Variants in R3HCC1L observed in about 807,000 individuals in gnomAD.
The protein encoded by R3HCC1L is coiled-coil domain-containing protein R3HCC1L.
Under a neutral mutation model 59.9 loss-of-function variants are expected in R3HCC1L, and 51 were observed. That is an observed-to-expected ratio of 0.85 (90% CI 0.68 to 1.07). The LOEUF is 1.07. R3HCC1L is among the 50% of genes least tolerant of loss of function. The pLI is 0.00. For synonymous variants in R3HCC1L, 322 were observed against 315.2 expected (o/e 1.02, Z -0.23); for missense variants, 965 against 933.0 (o/e 1.03, Z -0.45).
At chr10:98,240,303 CT>C in intron 9 of R3HCC1L, among the ~76,000 whole-genome samples, 1 of 152,104 alleles carries the variant, frequency 6.6e-6, no homozygotes, top group Non-Finnish European at 1.5e-5. Flanking sequence ...AAGACTCCAT[CT>C]CAAAAAAATA....
chr10:98,215,535 T>C (rs187377921), intron 5 of R3HCC1L, among the ~76,000 whole-genome samples: 85 of 152,352 alleles, frequency 5.6e-4, no homozygotes, highest in Non-Finnish European at 9.3e-4. Flanking sequence ...CTGATATTGA[T>C]GCTTTTCTAT....
In R3HCC1L at chr10:98,218,742, A is replaced by G. The variant is rs1287086023; in HGVS notation, c.1785+8843A>G. ...ATGTTTCTCTGTTGATTTTCTGTCTAGATGATCTGTCCAATGCTGAGAGTG... is the reference window on the plus strand; with the variant it reads ...ATGTTTCTCTGTTGATTTTCTGTCTGGATGATCTGTCCAATGCTGAGAGTG... On this transcript the variant is annotated intron_variant, in intron 5 of 9. Transcript: ENST00000298999. 2.0e-5 allele frequency among the ~76,000 whole-genome samples: 3 copies of G among 152,196 alleles called. No homozygotes were observed. The East Asian group carries it at 5.8e-4, about 29-fold the overall frequency.
intron 4 of R3HCC1L, among the ~76,000 whole-genome samples, chr10:98,207,154 G>T (rs900275776): frequency 1.3e-5 from 2 of 152,150 alleles, no homozygotes; most frequent in African/African-American, 4.8e-5. Flanking sequence ...TTAACAGTGT[G>T]TGCATCTGTG....
intron 9 of R3HCC1L, among the ~76,000 whole-genome samples, chr10:98,240,157 T>C (rs1252232524): frequency 2.6e-5 from 4 of 151,978 alleles, no homozygotes; most frequent in Non-Finnish European, 5.9e-5. Context: ...AATAGAAAAA[T>C]TAGCCGGGCA....
intron 4 of R3HCC1L, among the ~76,000 whole-genome samples, chr10:98,169,884 CTTT>C (rs1195433216): frequency 2.3e-5 from 3 of 128,370 alleles, no homozygotes; most frequent in Non-Finnish European, 1.7e-5. Flanking sequence ...CTAACACAAC[CTTT>C]TTTTTTTTTT....
chr10:98,220,846 C>T (rs1215559319), intron 5 of R3HCC1L, among the ~76,000 whole-genome samples: 12 of 147,966 alleles, frequency 8.1e-5, no homozygotes, highest in Admixed American at 8.1e-4. Context: ...CATACGTGTG[C>T]ATGTGTCTTT....
At chr10:98,193,694 A>G (rs1307099459) in intron 4 of R3HCC1L, among the ~76,000 whole-genome samples, 1 of 152,166 alleles carries the variant, frequency 6.6e-6, no homozygotes, top group Non-Finnish European at 1.5e-5. Flanking sequence ...CTCTACTCCA[A>G]AAATCCAAAA....
At chr10:98,188,690 T>C (rs143267420) in intron 4 of R3HCC1L, among the ~76,000 whole-genome samples, 1,670 of 152,306 alleles carry the variant, frequency 0.011, 41 homozygotes, top group African/African-American at 0.038. Flanking sequence ...GATATAGTTA[T>C]TTATGTATTT....
chr10:98,157,264 C>T (rs980054103), intron 2 of R3HCC1L, among the ~76,000 whole-genome samples: 3 of 152,126 alleles, frequency 2.0e-5, no homozygotes, highest in African/African-American at 7.2e-5. Context: ...GTCCTGGGTG[C>T]TTGTGGGTAC....
chr10:98,221,881 T>C (rs1361867251), intron 5 of R3HCC1L, among the ~76,000 whole-genome samples: 1 of 152,220 alleles, frequency 6.6e-6, no homozygotes, highest in East Asian at 1.9e-4. Flanking sequence ...TGGTTCCATA[T>C]GAACTTTAAA....
At position 98,158,921 on chromosome 10, in the gene R3HCC1L, C is replaced by T. The variant is rs143867414; in HGVS notation, c.-213+2774C>T. ...TCCTGGGCTCAAGCAATCCTCCTGC[C>T]TGAGCCTCCTGAGTAGCTGGCACTA... On this transcript the variant is annotated intron_variant, in intron 2 of 9. Coordinates refer to ENST00000298999, the MANE Select transcript of R3HCC1L (RefSeq NM_001351015.2). 5.3e-3 allele frequency among the ~76,000 whole-genome samples: 802 copies of T among 152,058 alleles called. 6 individuals carry two copies. The highest frequency in any genetic ancestry group is 0.017 in the African/African-American group (718 of 41,456).
At chr10:98,167,631 C>T (rs895126001) in intron 4 of R3HCC1L, among the ~76,000 whole-genome samples, 1 of 152,190 alleles carries the variant, frequency 6.6e-6, no homozygotes, top group African/African-American at 2.4e-5. Context: ...CATTTTTACC[C>T]CAACATAATT....
chr10:98,143,562 A>G (rs903023808), intron 1 of R3HCC1L, among the ~76,000 whole-genome samples: 4 of 152,140 alleles, frequency 2.6e-5, no homozygotes, highest in African/African-American at 9.7e-5. Context: ...GTATCCTGAA[A>G]CTTTTCATTG....
intron 9 of R3HCC1L, among the ~76,000 whole-genome samples, chr10:98,243,831 T>C (rs190907742): frequency 6.6e-6 from 1 of 152,372 alleles, no homozygotes; most frequent in Non-Finnish European, 1.5e-5. Flanking sequence ...GAGTCCCTAC[T>C]AGATTCTGAC....
chr10:98,145,553 C>T (rs1297749808), intron 1 of R3HCC1L, among the ~76,000 whole-genome samples: 1 of 152,100 alleles, frequency 6.6e-6, no homozygotes, highest in African/African-American at 2.4e-5. Flanking sequence ...TGAATGCTGC[C>T]CCTTTTAAAG....
intron 4 of R3HCC1L, among the ~76,000 whole-genome samples, chr10:98,183,939 TTTC>T (rs1849924636): frequency 1.3e-5 from 2 of 150,080 alleles, no homozygotes; most frequent in African/African-American, 4.9e-5. Context: ...TTTGTTTTTT[TTTC>T]TTTGCTCCTT....
intron 4 of R3HCC1L, among the ~76,000 whole-genome samples, chr10:98,196,935 G>C (rs994744226): frequency 2.0e-5 from 3 of 151,216 alleles, no homozygotes; most frequent in Admixed American, 6.6e-5. Flanking sequence ...TTTTTTTCTT[G>C]AGACAGGGTC....
chr10:98,230,465 C>T (rs970681025), intron 5 of R3HCC1L, among the ~76,000 whole-genome samples: 9 of 151,860 alleles, frequency 5.9e-5, no homozygotes, highest in African/African-American at 1.9e-4. Flanking sequence ...TTTGATTCTT[C>T]TCTCTTCTTT....
chr10:98,172,402 G>A (rs1848602896), intron 4 of R3HCC1L, among the ~76,000 whole-genome samples: 1 of 152,178 alleles, frequency 6.6e-6, no homozygotes. Flanking sequence ...GTTCATGACA[G>A]CAAAGCTGAG....
Sources: allele counts gnomAD v4.1 joint callset (sites outside exome capture counted in the v4.1 genomes callset), GRCh38; gene constraint gnomAD v4.1.1; transcripts MANE v1.5; gene names NCBI Gene and HGNC (gene_info 2026-07-23, HGNC 2026-07-21).